SPINK5: variants seen among roughly 807,000 people sequenced by gnomAD.
SPINK5 encodes the protein serine peptidase inhibitor Kazal type 5, also known as serine protease inhibitor Kazal-type 5.
Under a neutral mutation model 151.8 loss-of-function variants are expected in SPINK5, and 125 were observed. The observed-to-expected ratio is 0.82, with a 90% confidence interval of 0.71 to 0.96. SPINK5 has a LOEUF of 0.96. SPINK5 is among the 40% of genes least tolerant of loss of function. The pLI, the probability that SPINK5 is intolerant of heterozygous loss-of-function variation, is 0.00. For missense variants in SPINK5, 1,194 were observed against 1,291.9 expected (o/e 0.92, Z 1.16); for synonymous variants, 374 against 395.3 (o/e 0.95, Z 0.64).
Position 148,118,502 on chromosome 5 carries a change from TC to T in SPINK5, c.2180del (p.Pro727LeufsTer55). 1 of 1,614,138 alleles carries T rather than the reference TC, an allele frequency of 6.2e-7. No individual in the cohort carries two copies. The highest frequency in any genetic ancestry group is 8.5e-7 in the Non-Finnish European group (1 of 1,180,022). On this transcript the variant is annotated frameshift_variant, in exon 23 of 33. Transcript: ENST00000256084. LOFTEE classifies it high-confidence loss of function. ...GACTCAGCTGTACTCGGGAGAGTGA[TC>T]CTGTACGTGATGCTGATGGCAAATC... ...GRLSCTRESD[P>X]VRDADGKSYN...
chr5:148,095,906 G>T lies in SPINK5; in HGVS notation c.882+1G>T, dbSNP rs1215710052. 2 of 1,609,574 alleles carry T rather than the reference G, an allele frequency of 1.2e-6. No homozygotes were observed. Among genetic ancestry groups the T allele is most frequent in the Admixed American group, 1.7e-5 (1 of 59,688 alleles). On this transcript the variant is annotated splice_donor_variant, in intron 10 of 32. Coordinates refer to ENST00000256084, the MANE Select transcript of SPINK5 (RefSeq NM_006846.4). LOFTEE classifies it high-confidence loss of function. ...AACTAAAGTTAAAAGAGAAATTGTGGTGAGAATCAGTTTGATCAATCTAGT... is the reference window on the plus strand; with the variant it reads ...AACTAAAGTTAAAAGAGAAATTGTGTTGAGAATCAGTTTGATCAATCTAGT...
At chr5:148,130,768 T>G (rs1394496923) in intron 30 of SPINK5, among the ~76,000 whole-genome samples, 2 of 152,186 alleles carry the variant, frequency 1.3e-5, no homozygotes, top group African/African-American at 4.8e-5. Flanking sequence ...CTATTATTTA[T>G]GATTTTCTGG....
chr5:148,075,247 T>C (rs969675332), intron 4 of SPINK5, among the ~76,000 whole-genome samples: 3 of 151,662 alleles, frequency 2.0e-5, no homozygotes, highest in African/African-American at 7.2e-5. Flanking sequence ...TTCAGCAAGT[T>C]TGGAAAATTC....
chr5:148,129,494 G>A (rs1754521232), intron 30 of SPINK5, among the ~76,000 whole-genome samples: 1 of 114,812 alleles, frequency 8.7e-6, no homozygotes, highest in South Asian at 2.7e-4. Context: ...TTTTTGAGTT[G>A]ATGTACTATG....
chr5:148,132,970 C>T (rs899796972), intron 31 of SPINK5, among the ~76,000 whole-genome samples: 1 of 152,114 alleles, frequency 6.6e-6, no homozygotes. Context: ...CCTTTAATTC[C>T]TCTTTCTTAT....
At chr5:148,089,681 ATCAC>A in intron 7 of SPINK5, 60 bp downstream of exon 7, 1 of 1,609,094 alleles carries the variant, frequency 6.2e-7, no homozygotes, top group Non-Finnish European at 8.5e-7. Flanking sequence ...TGTCCCGAGA[ATCAC>A]TCAGCAGAGA....
chr5:148,137,243 T>G lies in SPINK5; in HGVS notation c.*252T>G, dbSNP rs1223068887. ...TCAAAATGTCCTGATTACAATGCTG[T>G]CTGTCCAACTGCCTGTTCAATAAAA... On this transcript the variant is annotated 3_prime_UTR_variant, in exon 33 of 33. Coordinates refer to ENST00000256084, the MANE Select transcript of SPINK5 (RefSeq NM_006846.4). The G allele has an allele frequency of 3.5e-6, 2 of 564,742 alleles. No individual in the cohort carries two copies. The highest frequency in any genetic ancestry group is 3.8e-5 in the African/African-American group (2 of 53,286). The allele number at this position is 564,742 out of a possible 1,614,324, so 35.0% of individuals were successfully genotyped here.
At chr5:148,101,582 CA>C in intron 14 of SPINK5, 146 bp downstream of exon 14, 1 of 998,628 alleles carries the variant, frequency 1.0e-6, no homozygotes. Context: ...TGCAGTTATA[CA>C]TGTGCATATG....
rs1754158800 is a variant in SPINK5 at position 148,118,453 on chromosome 5, A to T, written c.2129A>T (p.Tyr710Phe). The T allele has an allele frequency of 6.2e-7, 1 of 1,614,156 alleles. No individual in the cohort carries two copies. Among genetic ancestry groups the T allele is most frequent in the African/African-American group, 1.3e-5 (1 of 75,046 alleles). The change falls in exon 23 of 33, where the codon TAT becomes TTT. Residue 710 changes from tyrosine (Y) to phenylalanine (F), a missense_variant. Physicochemically the swap from Tyr to Phe is conservative, Grantham distance 22. Coordinates refer to ENST00000256084, the MANE Select transcript of SPINK5 (RefSeq NM_006846.4). ...GGNTQDECAE[Y>F]REQMKNGRLS... ...TGTTTTCAGGACGAATGTGCTGAGT[A>T]TCGGGAACAAATGAAAAATGGAAGA...
chr5:148,086,474 G>C lies in SPINK5; in HGVS notation c.352G>C (p.Val118Leu). The change falls in exon 5 of 33, where the codon GTT becomes CTT. Residue 118 changes from valine to leucine, a missense_variant. Coordinates refer to ENST00000256084, the MANE Select transcript of SPINK5 (RefSeq NM_006846.4). ...DFICPDYYEA[V>L]CGTDGKTYDN... ...TATCTGTCCTGATTATTATGAAGCT[G>C]TTTGTGGCACAGATGGGAAAACATA... The C allele has an allele frequency of 6.2e-7, 1 of 1,612,010 alleles. No homozygotes were observed. Among genetic ancestry groups the C allele is most frequent in the Non-Finnish European group, 8.5e-7 (1 of 1,178,832 alleles).
chr5:148,091,440 T>C (rs1052313051), intron 8 of SPINK5, among the ~76,000 whole-genome samples: 9 of 151,780 alleles, frequency 5.9e-5, no homozygotes, highest in African/African-American at 2.2e-4. Flanking sequence ...GCCCAAAATG[T>C]GCAGTTTCCA....
chr5:148,112,834 A>T, intron 19 of SPINK5, 34 bp from the exon 20 acceptor site: 1 of 1,613,400 alleles, frequency 6.2e-7, no homozygotes. Flanking sequence ...ATTGGGTGCT[A>T]GGAATGATTG....
chr5:148,071,226 C>G (rs1047184703), intron 3 of SPINK5, among the ~76,000 whole-genome samples: 22 of 152,062 alleles, frequency 1.4e-4, no homozygotes, highest in Non-Finnish European at 2.9e-4. Context: ...CTGAGCTTAC[C>G]CACTTAGGAT....
intron 4 of SPINK5, among the ~76,000 whole-genome samples, chr5:148,084,726 T>G (rs758902976): frequency 2.0e-5 from 3 of 151,878 alleles, no homozygotes; most frequent in Non-Finnish European, 4.4e-5. Flanking sequence ...ACATTTCCCT[T>G]CTTTCTGTCC....
Position 148,064,055 on chromosome 5 carries a change from C to A in SPINK5, c.11C>A (p.Ala4Asp). 1.2e-6 allele frequency: 2 copies of A among 1,614,148 alleles called. No homozygotes were observed. Among genetic ancestry groups the A allele is most frequent in the Non-Finnish European group, 1.7e-6 (2 of 1,180,028 alleles). MKI[A>D]TVSVLLPLAL... ...TGCATCGTCTTCAACATGAAGATAG[C>A]CACAGTGTCAGTGCTTCTGCCCTTG... Residue 4 changes from alanine to aspartate, a missense_variant, in exon 1 of 33, where the codon GCC (alanine) becomes GAC (aspartate). Physicochemically the swap from Ala to Asp is moderately radical, Grantham distance 126. Coordinates refer to ENST00000256084, the MANE Select transcript of SPINK5 (RefSeq NM_006846.4).
intron 18 of SPINK5, among the ~76,000 whole-genome samples, chr5:148,111,255 T>C (rs1226107291): frequency 1.3e-5 from 2 of 152,088 alleles, no homozygotes; most frequent in African/African-American, 4.8e-5. Flanking sequence ...CATCTCCCTC[T>C]CACTCTGTCT....
At chr5:148,120,260 A>T (rs1202562105) in intron 25 of SPINK5, 35 bp from the exon 26 acceptor site, 4 of 1,605,324 alleles carry the variant, frequency 2.5e-6, no homozygotes, top group Non-Finnish European at 3.4e-6. Context: ...GCGTTTGTTC[A>T]CTTTGATTGA....
At chr5:148,128,365 C>T (rs1287544072) in intron 30 of SPINK5, among the ~76,000 whole-genome samples, 1 of 152,094 alleles carries the variant, frequency 6.6e-6, no homozygotes, top group Non-Finnish European at 1.5e-5. Context: ...CAGTAGCCCC[C>T]TCATTCTCCC....
At chr5:148,089,064 C>T (rs1326878352) in intron 6 of SPINK5, 11 of 461,054 alleles carry the variant, frequency 2.4e-5, no homozygotes, top group Non-Finnish European at 4.8e-5. Context: ...AAGAAAGGAT[C>T]TCATACATGT....
Sources: allele counts gnomAD v4.1 joint callset (sites outside exome capture counted in the v4.1 genomes callset), GRCh38; gene constraint gnomAD v4.1.1; transcripts MANE v1.5; gene names NCBI Gene and HGNC (gene_info 2026-07-23, HGNC 2026-07-21).